ZFPM2: variants seen among roughly 807,000 people sequenced by gnomAD.
ZFPM2 encodes the protein zinc finger protein, FOG family member 2.
ZFPM2 carries 20 observed loss-of-function variants against 98.6 expected under a neutral mutation model. The observed-to-expected ratio is 0.20, with a 90% confidence interval of 0.14 to 0.29. ZFPM2 has a LOEUF of 0.29. Ranked by LOEUF, ZFPM2 falls within the 10% of genes least tolerant of loss-of-function variation. The probability of loss-of-function intolerance (pLI) is 1.00; values close to 1 mark genes in which losing one functional copy is unlikely to be tolerated. For missense variants in ZFPM2, 1,310 were observed against 1,388.6 expected (o/e 0.94, Z 0.90); for synonymous variants, 518 against 502.7 (o/e 1.03, Z -0.41).
At chr8:105,577,960 A>T (rs1815504721) in intron 4 of ZFPM2, among the ~76,000 whole-genome samples, 1 of 152,214 alleles carries the variant, frequency 6.6e-6, no homozygotes, top group South Asian at 2.1e-4. Context: ...AGATTCAAAC[A>T]ATTTAATTGA....
At chr8:105,565,036 GATGTA>G (rs1015672016) in intron 4 of ZFPM2, among the ~76,000 whole-genome samples, 1 of 152,216 alleles carries the variant, frequency 6.6e-6, no homozygotes. Flanking sequence ...TTCGCCAACT[GATGTA>G]ATGTTACTCT....
chr8:105,439,967 C>T (rs544953950), intron 2 of ZFPM2, among the ~76,000 whole-genome samples: 2 of 152,208 alleles, frequency 1.3e-5, no homozygotes, highest in Admixed American at 6.5e-5. Context: ...GAAAGGTCAA[C>T]GTTTCCCCAA....
At chr8:105,476,748 T>G (rs184297946) in intron 3 of ZFPM2, among the ~76,000 whole-genome samples, 1 of 152,126 alleles carries the variant, frequency 6.6e-6, no homozygotes, top group Non-Finnish European at 1.5e-5. Flanking sequence ...CTATTGTTTT[T>G]TTTGCATTTA....
At chr8:105,403,938 C>T (rs1422895711) in intron 1 of ZFPM2, among the ~76,000 whole-genome samples, 3 of 151,486 alleles carry the variant, frequency 2.0e-5, no homozygotes, top group Non-Finnish European at 2.9e-5. Context: ...AACAAAATTG[C>T]CATATACTTG....
chr8:105,403,081 A>G (rs929750224), intron 1 of ZFPM2, among the ~76,000 whole-genome samples: 6 of 152,022 alleles, frequency 3.9e-5, no homozygotes, highest in African/African-American at 1.4e-4. Flanking sequence ...GGATAGAAAG[A>G]TGATTCTTTA....
At position 105,561,527 on chromosome 8, in the gene ZFPM2, A is replaced by G. The variant is rs377010110; in HGVS notation, c.420+46A>G. Reference sequence around the variant, plus strand: ...GGTTAATATTTTGTCATCGACTGTTAGTATTTTGCCATAGCTCAGAAATTC... The same window carrying G: ...GGTTAATATTTTGTCATCGACTGTTGGTATTTTGCCATAGCTCAGAAATTC... On this transcript the variant is annotated intron_variant, in intron 4 of 7. Coordinates refer to ENST00000407775, the MANE Select transcript of ZFPM2 (RefSeq NM_012082.4). 29 of 1,421,158 alleles carry G rather than the reference A, an allele frequency of 2.0e-5. No homozygotes were observed. In the African/African-American group the frequency reaches 3.3e-4, roughly 16 times the overall value. The allele number at this position is 1,421,158 out of a possible 1,614,324, so 88.0% of individuals were successfully genotyped here. A position where few individuals can be genotyped will look rare whatever the true frequency, so the allele number is the denominator to read the frequency against.
At chr8:105,464,262 C>A (rs1375395816) in intron 3 of ZFPM2, among the ~76,000 whole-genome samples, 1 of 151,970 alleles carries the variant, frequency 6.6e-6, no homozygotes, top group African/African-American at 2.4e-5. Context: ...TTTCAAAAAA[C>A]CACATTTGAT....
At chr8:105,463,341 A>G (rs1747536974) in intron 3 of ZFPM2, among the ~76,000 whole-genome samples, 2 of 151,662 alleles carry the variant, frequency 1.3e-5, no homozygotes, top group African/African-American at 4.8e-5. Flanking sequence ...TATAAGCTAT[A>G]TATGTGTGTG....
intron 3 of ZFPM2, among the ~76,000 whole-genome samples, chr8:105,467,518 G>A (rs1295379824): frequency 6.6e-6 from 1 of 152,046 alleles, no homozygotes; most frequent in Non-Finnish European, 1.5e-5. Context: ...TATAAAGCAG[G>A]AATTCTGCTA....
chr8:105,678,597 A>C (rs914972217), intron 5 of ZFPM2: 2 of 152,198 alleles, frequency 1.3e-5, no homozygotes, highest in Admixed American at 6.6e-5. Context: ...ATTTCTTGTC[A>C]GATAAGCTGC....
chr8:105,567,809 G>A (rs1305520225), intron 4 of ZFPM2, among the ~76,000 whole-genome samples: 1 of 151,968 alleles, frequency 6.6e-6, no homozygotes, highest in Non-Finnish European at 1.5e-5. Flanking sequence ...AATTGAATTT[G>A]CTTATCAGGA....
At position 105,742,155 on chromosome 8, in the gene ZFPM2, A is replaced by G. The variant is rs542495738; in HGVS notation, c.533-46563A>G. On this transcript the variant is annotated intron_variant, in intron 5 of 7. Transcript: ENST00000407775. ...ATGGATTGGATGGAGGCCAAGGAGG[A>G]TCCACTTGAAGTCAAGGGTTCAAGA... Among the ~76,000 whole-genome samples the G allele has an allele frequency of 2.0e-5, 3 of 151,982 alleles. No individual in the cohort carries two copies. The East Asian group carries it at 5.9e-4, about 30-fold the overall frequency.
rs36014181 is a variant in ZFPM2 at position 105,560,574 on chromosome 8, G to GTT, written c.302-776_302-775dup. 1.2e-3 allele frequency among the ~76,000 whole-genome samples: 160 copies of GTT among 133,210 alleles called. 3 individuals are homozygous for GTT. Among genetic ancestry groups the GTT allele is most frequent in the African/African-American group, 4.0e-3 (148 of 36,586 alleles). The allele number at this position is 133,210 out of a possible 152,430, so 87.4% of individuals were successfully genotyped here. A position where few individuals can be genotyped will look rare whatever the true frequency, so the allele number is the denominator to read the frequency against. ...CCAAACAACATTTAAGCTATTGGCC[G>GTT]TTTTTTTTTTTTTTGAAATTTTGAG... On this transcript the variant is annotated intron_variant, in intron 3 of 7. Transcript: ENST00000407775.
At position 105,443,318 on chromosome 8, in the gene ZFPM2, ACAAAAAAC is replaced by A. The variant is rs1373164822; in HGVS notation, c.200-961_200-954del. 6.9e-5 allele frequency among the ~76,000 whole-genome samples: 10 copies of A among 144,074 alleles called. 1 individual carries two copies. Among genetic ancestry groups the A allele is most frequent in the African/African-American group, 2.9e-4 (10 of 34,876 alleles). 94.5% of individuals were successfully genotyped at this position (144,074 alleles called of 152,430 possible). A position where few individuals can be genotyped will look rare whatever the true frequency, so the allele number is the denominator to read the frequency against. On this transcript the variant is annotated intron_variant, in intron 2 of 7. Transcript: ENST00000407775. ...AGCGAGTAAGACTCCTTCTCAAAAA[ACAAAAAAC>A]AAAAAAAAAAAAACTTGGCATTATT... is the stretch of plus-strand genomic sequence containing the variant.
At chr8:105,537,192 T>C (rs1350832154) in intron 3 of ZFPM2, among the ~76,000 whole-genome samples, 1 of 148,516 alleles carries the variant, frequency 6.7e-6, no homozygotes, top group Non-Finnish European at 1.5e-5. Flanking sequence ...CAGTGATTAA[T>C]TCAGATTTTT....
chr8:105,614,383 T>A (rs1386795960), intron 4 of ZFPM2, among the ~76,000 whole-genome samples: 1 of 152,134 alleles, frequency 6.6e-6, no homozygotes. Flanking sequence ...GTTTGCAAAT[T>A]TCATGCAAAA....
intron 5 of ZFPM2, among the ~76,000 whole-genome samples, chr8:105,754,973 TGTGTGTGTG>T (rs1812564548): frequency 6.6e-6 from 1 of 151,154 alleles, no homozygotes; most frequent in Admixed American, 6.6e-5. Context: ...TGTGTGTGTG[TGTGTGTGTG>T]TGCACGTGCG....
intron 5 of ZFPM2, among the ~76,000 whole-genome samples, chr8:105,786,366 ATG>A (rs1206424095): frequency 6.6e-6 from 1 of 152,210 alleles, no homozygotes; most frequent in African/African-American, 2.4e-5. Flanking sequence ...ATTTGCATAT[ATG>A]TGTGTATTCT....
chr8:105,580,192 C>T (rs1201903829), intron 4 of ZFPM2, among the ~76,000 whole-genome samples: 2 of 152,136 alleles, frequency 1.3e-5, no homozygotes, highest in Admixed American at 1.3e-4. Flanking sequence ...AAGATATGTG[C>T]TGATAACAGC....
Sources: allele counts gnomAD v4.1 joint callset (sites outside exome capture counted in the v4.1 genomes callset), GRCh38; gene constraint gnomAD v4.1.1; transcripts MANE v1.5; gene names NCBI Gene and HGNC (gene_info 2026-07-23, HGNC 2026-07-21).